RPRD2: variants seen among roughly 807,000 people sequenced by gnomAD.
RPRD2 encodes regulation of nuclear pre-mRNA domain containing 2, also known as regulation of nuclear pre-mRNA domain-containing protein 2.
Under a neutral mutation model 104.4 loss-of-function variants are expected in RPRD2, and 12 were observed. That is an observed-to-expected ratio of 0.11 (90% confidence interval 0.07 to 0.19). RPRD2 has a LOEUF of 0.19. RPRD2 is among the 10% of genes least tolerant of loss of function. The probability of loss-of-function intolerance (pLI) is 1.00; values close to 1 mark genes in which losing one functional copy is unlikely to be tolerated. For synonymous variants in RPRD2, 714 were observed against 684.9 expected, an observed-to-expected ratio of 1.04 and a Z score of -0.66; for missense variants, 1,543 against 1,790.1, an observed-to-expected ratio of 0.86 and a Z score of 2.49.
intron 2 of RPRD2, among the ~76,000 whole-genome samples, chr1:150,419,457 A>T (rs1304934523): frequency 5.3e-5 from 8 of 152,214 alleles, no homozygotes; most frequent in Non-Finnish European, 1.0e-4. Context: ...CCTTGCTATT[A>T]GAAAAGATTA....
At chr1:150,428,454 C>CAAA (rs34596290) in intron 2 of RPRD2, among the ~76,000 whole-genome samples, 11 of 71,234 alleles carry the variant, frequency 1.5e-4, no homozygotes, top group East Asian at 1.4e-3. Flanking sequence ...GACTCTGTCT[C>CAAA]AAAAAAAAAA....
At chr1:150,411,913 G>C (rs1663963081) in intron 1 of RPRD2, among the ~76,000 whole-genome samples, 1 of 151,888 alleles carries the variant, frequency 6.6e-6, no homozygotes, top group Non-Finnish European at 1.5e-5. Context: ...ATTGCTTGAG[G>C]TCAGGAGTTC....
intron 1 of RPRD2, among the ~76,000 whole-genome samples, chr1:150,389,798 G>A (rs1354770468): frequency 1.3e-5 from 2 of 152,122 alleles, no homozygotes; most frequent in Non-Finnish European, 2.9e-5. Flanking sequence ...GGTTTCCAAG[G>A]GTCTGTTCAT....
intron 1 of RPRD2, among the ~76,000 whole-genome samples, chr1:150,373,055 T>G (rs587692605): frequency 6.7e-6 from 1 of 150,352 alleles, no homozygotes; most frequent in East Asian, 1.9e-4. Flanking sequence ...GCTCTGTTGC[T>G]CAGGCTGGAG....
At chr1:150,388,927 A>G (rs1165010038) in intron 1 of RPRD2, among the ~76,000 whole-genome samples, 3 of 152,078 alleles carry the variant, frequency 2.0e-5, no homozygotes, top group Admixed American at 6.6e-5. Context: ...TTAAGAGTCC[A>G]TATTTTATGA....
chr1:150,433,647 T>A (rs1224668466), intron 2 of RPRD2, among the ~76,000 whole-genome samples: 2 of 148,634 alleles, frequency 1.3e-5, no homozygotes, highest in Admixed American at 1.3e-4. Context: ...GGTTTCACAG[T>A]GTTAGCCAGG....
Position 150,460,214 on chromosome 1 carries a change from T to C in RPRD2, c.1308T>C (p.Ser436=). The change falls in exon 9 of 11, where the codon TCT becomes TCC. Residue 436 remains serine, a synonymous_variant. Transcript: ENST00000369068. ...TPPLPKPVNT[S]LSPSPALALP... ...CTCTTCCAAAGCCTGTGAATACTTC[T>C]CTTTCCCCTTCCCCAGCATTGGCTT... is the stretch of plus-strand genomic sequence containing the variant. The C allele has an allele frequency of 1.2e-6, 2 of 1,613,930 alleles. No individual in the cohort carries two copies. Among genetic ancestry groups the C allele is most frequent in the Non-Finnish European group, 1.7e-6 (2 of 1,179,872 alleles).
chr1:150,364,727 G>A lies in RPRD2; in HGVS notation c.13G>A (p.Gly5Ser). Residue 5 changes from glycine to serine, a missense_variant, in exon 1 of 11, where the codon GGC becomes AGC. Coordinates refer to ENST00000369068, the MANE Select transcript of RPRD2 (RefSeq NM_015203.5). Reference protein sequence around the residue: MAAGGGGGSSKASSS... With the variant: MAAGSGGGSSKASSS... ...GCAAACCGGGAAGATGGCGGCCGGCGGCGGCGGAGGCAGCAGTAAGGCCTC... is the reference window on the plus strand; with the variant it reads ...GCAAACCGGGAAGATGGCGGCCGGCAGCGGCGGAGGCAGCAGTAAGGCCTC... The A allele has an allele frequency of 6.4e-7, 1 of 1,572,386 alleles. No individual in the cohort carries two copies. Among genetic ancestry groups the A allele is most frequent in the Non-Finnish European group, 8.6e-7 (1 of 1,158,644 alleles).
chr1:150,420,245 C>CT (rs587611131), intron 2 of RPRD2, among the ~76,000 whole-genome samples: 6 of 148,824 alleles, frequency 4.0e-5, no homozygotes, highest in South Asian at 2.1e-4. Flanking sequence ...AGTTGCCAAC[C>CT]TTTTTTTTTT....
At chr1:150,428,940 A>T (rs187703054) in intron 2 of RPRD2, among the ~76,000 whole-genome samples, 1 of 151,924 alleles carries the variant, frequency 6.6e-6, no homozygotes, top group South Asian at 2.1e-4. Context: ...TAGCAATTCT[A>T]TAAGGTCGCT....
At chr1:150,445,677 A>G (rs587671136) in intron 6 of RPRD2, among the ~76,000 whole-genome samples, 2 of 152,346 alleles carry the variant, frequency 1.3e-5, no homozygotes, top group Admixed American at 1.3e-4. Context: ...TACCTTAATT[A>G]CAAGTGCCTT....
chr1:150,373,533 C>CTTTTTTTTT (rs56743462), intron 1 of RPRD2, among the ~76,000 whole-genome samples: 2,170 of 97,238 alleles, frequency 0.022, 342 homozygotes, highest in African/African-American at 0.054. Context: ...TCAAGAATGA[C>CTTTTTTTTT]TTTTTTTTTT....
At position 150,364,710 on chromosome 1, in the gene RPRD2, G is replaced by A. The variant is rs1553876851; in HGVS notation, c.-5G>A. ...GGAGCAGCAGCGCTTGTGCAAACCG[G>A]GAAGATGGCGGCCGGCGGCGGCGGA... On this transcript the variant is annotated 5_prime_UTR_variant, in exon 1 of 11. Transcript: ENST00000369068. 6.4e-7 allele frequency: 1 copy of A among 1,554,510 alleles called. No homozygotes were observed. The highest frequency in any genetic ancestry group is 8.7e-7 in the Non-Finnish European group (1 of 1,146,940).
chr1:150,463,599 A>G (rs911519232), intron 9 of RPRD2, among the ~76,000 whole-genome samples: 3 of 152,194 alleles, frequency 2.0e-5, no homozygotes, highest in Admixed American at 2.0e-4. Flanking sequence ...TAAAATAACA[A>G]ATGTTTTTCT....
At chr1:150,433,479 C>G (rs1233874234) in intron 2 of RPRD2, among the ~76,000 whole-genome samples, 45 of 122,780 alleles carry the variant, frequency 3.7e-4, no homozygotes, top group African/African-American at 1.2e-3. Context: ...GAGTCTCGCT[C>G]TGTCACCCAG....
chr1:150,422,892 A>G (rs908958547), intron 2 of RPRD2, among the ~76,000 whole-genome samples: 17 of 152,206 alleles, frequency 1.1e-4, no homozygotes, highest in Non-Finnish European at 1.6e-4. Context: ...CAAATAAGGG[A>G]AAGTAGGACT....
chr1:150,473,044 C>G lies in RPRD2; in HGVS notation c.4096C>G (p.Arg1366Gly). The part of the protein sequence containing the change: ...DLNGPGLSRV[R>G]ESLTLPSHSL... ...CAACGGCCCTGGCCTTAGCCGTGTA[C>G]GAGAGAGCCTCACCCTACCCTCCCA... Residue 1366 changes from arginine to glycine, a missense_variant, in exon 11 of 11, where the codon CGA becomes GGA. By Grantham distance (125) the Arg-to-Gly change is moderately radical. This residue lies in a region of RPRD2 where 880 missense variants were observed against 885.6 expected (regional missense o/e 0.99). Coordinates refer to ENST00000369068, the MANE Select transcript of RPRD2 (RefSeq NM_015203.5). 6.2e-7 allele frequency: 1 copy of G among 1,614,004 alleles called. No homozygotes were observed. The highest frequency in any genetic ancestry group is 8.5e-7 in the Non-Finnish European group (1 of 1,179,896).
chr1:150,393,980 A>G (rs587767678), intron 1 of RPRD2, among the ~76,000 whole-genome samples: 15 of 152,200 alleles, frequency 9.9e-5, no homozygotes, highest in Middle Eastern at 6.8e-3. Flanking sequence ...ATTGTTGGGA[A>G]AATTTGATGA....
At chr1:150,437,977 TAA>T (rs35517552) in intron 2 of RPRD2, among the ~76,000 whole-genome samples, 4,552 of 129,548 alleles carry the variant, frequency 0.035, 239 homozygotes, top group African/African-American at 0.12. Flanking sequence ...TGTCATTATT[TAA>T]AAAAAAAAAA....
Sources: gnomAD v4.1 joint callset for allele counts (sites outside exome capture counted in the v4.1 genomes callset) on GRCh38, gnomAD v4.1.1 for gene constraint, gnomAD v4.1.1 regional missense constraint, MANE v1.5 for transcripts, NCBI Gene and HGNC (gene_info 2026-07-23, HGNC 2026-07-21) for gene names.